SGTA: variants seen among roughly 807,000 people sequenced by gnomAD.
The protein encoded by SGTA is small glutamine-rich tetratricopeptide repeat-containing protein alpha.
Under a neutral mutation model 44.3 loss-of-function variants are expected in SGTA, and 22 were observed. The observed-to-expected ratio is 0.50, with a 90% CI of 0.36 to 0.71. The LOEUF (loss-of-function observed/expected upper bound fraction) is 0.71, where lower values mean the gene tolerates loss of function less well. Among genes scored for constraint, SGTA ranks in the 30% least tolerant of loss-of-function variants. SGTA has a pLI of 0.00. For synonymous variants in SGTA, 174 were observed against 177.6 expected, an observed-to-expected ratio of 0.98 and a Z score of 0.16; for missense variants, 341 against 435.9, an observed-to-expected ratio of 0.78 and a Z score of 1.94.
chr19:2,771,234 G>C (rs909611262), intron 1 of SGTA, among the ~76,000 whole-genome samples: 4 of 152,146 alleles, frequency 2.6e-5, no homozygotes, highest in Non-Finnish European at 4.4e-5. Context: ...GACCATCCTG[G>C]CCAAACACGG....
rs375630847 is a variant in SGTA at position 2,761,454 on chromosome 19, C to T, written c.699+6G>A. 1.4e-5 allele frequency: 22 copies of T among 1,551,110 alleles called. No individual in the cohort carries two copies. The highest frequency in any genetic ancestry group is 1.8e-5 in the Non-Finnish European group (21 of 1,146,700). On this transcript the variant is annotated splice_donor_region_variant and intron_variant, in intron 8 of 11. Transcript: ENST00000221566. This position sits in a 1 kb window ranked among gnomAD's most constrained non-coding sequence, Gnocchi z 5.7. ...CCATGGACAGGGAGGAGGGGCGGGC[C>T]GTTACCATGCTCATGAAGCCAGGGT... is the stretch of plus-strand genomic sequence containing the variant.
At chr19:2,758,344 C>T (rs925123273) in intron 9 of SGTA, among the ~76,000 whole-genome samples, 2 of 152,154 alleles carry the variant, frequency 1.3e-5, no homozygotes, top group Non-Finnish European at 2.9e-5. Flanking sequence ...GCCTGGCCAA[C>T]ATGGTGAAAC....
intron 1 of SGTA, among the ~76,000 whole-genome samples, chr19:2,775,220 G>A (rs960110443): frequency 5.9e-5 from 9 of 152,238 alleles, no homozygotes; most frequent in African/African-American, 1.4e-4. Flanking sequence ...CAGGATCCGC[G>A]CCCGGCAGGC....
intron 1 of SGTA, chr19:2,770,229 G>A: frequency 6.3e-6 from 1 of 158,038 alleles, no homozygotes; most frequent in South Asian, 1.6e-4. Flanking sequence ...TGTGGTCCCT[G>A]CAGTTTCCTG....
intron 2 of SGTA, 24 bp downstream of exon 2, chr19:2,768,945 G>A (rs1232382355): frequency 6.4e-7 from 1 of 1,560,816 alleles, no homozygotes; most frequent in Non-Finnish European, 8.8e-7. Flanking sequence ...CGGGGAGAGG[G>A]GGAAGTGGCA....
intron 1 of SGTA, 24 bp from the exon 2 acceptor site, chr19:2,769,115 A>G: frequency 6.6e-7 from 1 of 1,507,972 alleles, no homozygotes; most frequent in South Asian, 1.1e-5. Context: ...AAAAACCCCC[A>G]TCAGGCCCCC....
chr19:2,759,218 A>C (rs768275604), intron 9 of SGTA, 39 bp downstream of exon 9: 38 of 1,597,548 alleles, frequency 2.4e-5, no homozygotes, highest in Non-Finnish European at 3.3e-5. Flanking sequence ...AAGGAAATTT[A>C]ACCACAACAA....
At chr19:2,774,744 A>G (rs1316034129) in intron 1 of SGTA, among the ~76,000 whole-genome samples, 1 of 152,160 alleles carries the variant, frequency 6.6e-6, no homozygotes, top group Non-Finnish European at 1.5e-5. Context: ...GGCCTCCCAA[A>G]GCGCTGGGAT....
chr19:2,763,956 A>G lies in SGTA; in HGVS notation c.393-199T>C, dbSNP rs539555918. Among the ~76,000 whole-genome samples, 1 of 152,320 alleles carries G rather than the reference A, an allele frequency of 6.6e-6. No homozygotes were observed. Among genetic ancestry groups the G allele is most frequent in the Admixed American group, 6.5e-5 (1 of 15,302 alleles). On this transcript the variant is annotated intron_variant, in intron 5 of 11. Transcript: ENST00000221566. This position sits in a 1 kb window ranked among gnomAD's most constrained non-coding sequence, Gnocchi z 5.8. ...ATGCTCTTAGACAAATGTGGGCTCA[A>G]AGCACCAGCAGCCACTCAGGACTGC...
chr19:2,762,546 A>AG lies in SGTA; in HGVS notation c.595dup (p.Leu199ProfsTer176), dbSNP rs1568308399. ...CCGCAGCTTCAGCTCCGCTATCTTG[A>AG]GGTTGGACTTGTATGTCTCGTTGTC... On this transcript the variant is annotated frameshift_variant, in exon 7 of 12. Coordinates refer to ENST00000221566, the MANE Select transcript of SGTA (RefSeq NM_003021.4). LOFTEE classifies it high-confidence loss of function. 6.2e-7 allele frequency: 1 copy of AG among 1,613,936 alleles called. No homozygotes were observed.
At chr19:2,774,039 G>A (rs1371869396) in intron 1 of SGTA, among the ~76,000 whole-genome samples, 1 of 152,118 alleles carries the variant, frequency 6.6e-6, no homozygotes, top group African/African-American at 2.4e-5. Context: ...TTGCCCTCAC[G>A]TCCTCACAAG....
intron 2 of SGTA, 26 bp downstream of exon 2, chr19:2,768,943 G>C (rs781173571): frequency 1.3e-6 from 2 of 1,552,638 alleles, no homozygotes; most frequent in Non-Finnish European, 1.8e-6. Context: ...CCCGGGGAGA[G>C]GGGGAAGTGG....
chr19:2,771,579 G>A (rs1411335229), intron 1 of SGTA, among the ~76,000 whole-genome samples: 2 of 151,688 alleles, frequency 1.3e-5, no homozygotes, highest in South Asian at 2.1e-4. Flanking sequence ...CCCCATCGGG[G>A]GGGGGGGGAG....
At chr19:2,774,309 G>T (rs367770955) in intron 1 of SGTA, among the ~76,000 whole-genome samples, 1 of 152,190 alleles carries the variant, frequency 6.6e-6, no homozygotes, top group African/African-American at 2.4e-5. Context: ...CACATAGACA[G>T]GAGAACAAAC....
chr19:2,757,064 A>G (rs1914838952), intron 11 of SGTA, among the ~76,000 whole-genome samples: 1 of 152,134 alleles, frequency 6.6e-6, no homozygotes, highest in Admixed American at 6.5e-5. Context: ...CTCTCCCCTA[A>G]TCTCCACCCA....
At chr19:2,770,215 T>A (rs867829783) in intron 1 of SGTA, 1 of 163,416 alleles carries the variant, frequency 6.1e-6, no homozygotes, top group African/African-American at 2.4e-5. Flanking sequence ...CTTCTGCTCA[T>A]GTCTGTGGTC....
At position 2,769,897 on chromosome 19, in the gene SGTA, C is replaced by T. The variant is rs1183898910; in HGVS notation, c.-23-806G>A. 2.1e-3 allele frequency among the ~76,000 whole-genome samples: 288 copies of T among 136,778 alleles called. 2 individuals are homozygous for T. The highest frequency in any genetic ancestry group is 3.8e-3 in the Non-Finnish European group (237 of 62,574). 89.7% of individuals were successfully genotyped at this position (136,778 alleles called of 152,430 possible). On this transcript the variant is annotated intron_variant, in intron 1 of 11. Coordinates refer to ENST00000221566, the MANE Select transcript of SGTA (RefSeq NM_003021.4). ...TCCCCCACCGGACACCCTCCTGGTT[C>T]CCCCAGCGGACACCAGCCTGGTTCC...
At chr19:2,768,893 C>T (rs1568310756) in intron 2 of SGTA, 76 bp downstream of exon 2, 15 of 1,067,172 alleles carry the variant, frequency 1.4e-5, no homozygotes, top group Non-Finnish European at 2.2e-5. Context: ...CAGGCATCTA[C>T]ACACCAGGTG....
chr19:2,764,668 G>C (rs1433196524), intron 5 of SGTA, among the ~76,000 whole-genome samples: 1 of 152,164 alleles, frequency 6.6e-6, no homozygotes, highest in Admixed American at 6.5e-5. Context: ...TGCCTCCCAG[G>C]TTCAAACCAT....
Sources: gnomAD v4.1 joint callset for allele counts (sites outside exome capture counted in the v4.1 genomes callset) on GRCh38, gnomAD v4.1.1 for gene constraint, Gnocchi (gnomAD v3.1) non-coding constraint, MANE v1.5 for transcripts, NCBI Gene and HGNC (gene_info 2026-07-23, HGNC 2026-07-21) for gene names.